Variants in STK31 observed in about 807,000 individuals in gnomAD.
STK31 encodes the protein serine/threonine kinase 31.
Under a neutral mutation model 129.7 loss-of-function variants are expected in STK31, and 89 were observed. That is an observed-to-expected ratio of 0.69 (90% CI 0.58 to 0.82). The LOEUF (loss-of-function observed/expected upper bound fraction) is 0.82, where lower values mean the gene tolerates loss of function less well. Among genes scored for constraint, STK31 ranks in the 40% least tolerant of loss-of-function variants. The probability of loss-of-function intolerance (pLI) is 0.00; values close to 1 mark genes in which losing one functional copy is unlikely to be tolerated. For missense variants in STK31, 1,187 were observed against 1,176.4 expected (o/e 1.01, Z -0.13); for synonymous variants, 448 against 395.3 (o/e 1.13, Z -1.58).
chr7:23,787,903 CT>C (rs1791394293), intron 20 of STK31, 76 bp from the exon 21 acceptor site: 1 of 1,391,700 alleles, frequency 7.2e-7, no homozygotes, highest in Admixed American at 2.5e-5. Flanking sequence ...CTAGAGCAGT[CT>C]TTTAATTAGA....
At chr7:23,791,178 A>T (rs1354355387) in intron 22 of STK31, 6 of 846,774 alleles carry the variant, frequency 7.1e-6, no homozygotes, top group Non-Finnish European at 8.5e-6. Flanking sequence ...TGAAGTCAAG[A>T]TTAACAGTGA....
chr7:23,798,560 C>G (rs993519639), intron 22 of STK31, among the ~76,000 whole-genome samples: 1 of 151,838 alleles, frequency 6.6e-6, no homozygotes, highest in Non-Finnish European at 1.5e-5. Flanking sequence ...ACCCTTCATG[C>G]TAAAAACTCT....
chr7:23,826,550 C>A (rs1794164806), intron 23 of STK31, among the ~76,000 whole-genome samples: 1 of 152,140 alleles, frequency 6.6e-6, no homozygotes, highest in African/African-American at 2.4e-5. Context: ...GACTCTTTAT[C>A]CAGTTTGCCA....
chr7:23,773,038 T>G (rs763629678), intron 15 of STK31, among the ~76,000 whole-genome samples: 5 of 152,128 alleles, frequency 3.3e-5, no homozygotes, highest in African/African-American at 9.7e-5. Context: ...TTTTTCAACT[T>G]TTGGAGAAAT....
At chr7:23,786,771 C>A in intron 19 of STK31, 67 bp from the exon 20 acceptor site, 2 of 1,555,942 alleles carry the variant, frequency 1.3e-6, no homozygotes, top group Non-Finnish European at 1.8e-6. Context: ...CCCATAGAAT[C>A]AATGTATGCT....
intron 3 of STK31, among the ~76,000 whole-genome samples, chr7:23,714,887 T>C (rs958847870): frequency 3.3e-5 from 5 of 152,162 alleles, no homozygotes; most frequent in Non-Finnish European, 7.3e-5. Context: ...AAAGCAGCCA[T>C]AGACATAATG....
chr7:23,828,749 G>A (rs1336160147), intron 23 of STK31, among the ~76,000 whole-genome samples: 1 of 152,004 alleles, frequency 6.6e-6, no homozygotes, highest in East Asian at 1.9e-4. Flanking sequence ...CCCCTGACTT[G>A]TTCTTTTTCA....
chr7:23,745,595 G>A (rs1177382120), intron 8 of STK31, among the ~76,000 whole-genome samples: 1 of 152,214 alleles, frequency 6.6e-6, no homozygotes, highest in African/African-American at 2.4e-5. Flanking sequence ...GGGCAGCGGG[G>A]TCACTGTAAA....
At chr7:23,729,844 A>C (rs751039210) in intron 6 of STK31, among the ~76,000 whole-genome samples, 3 of 152,178 alleles carry the variant, frequency 2.0e-5, no homozygotes, top group Non-Finnish European at 4.4e-5. Flanking sequence ...GAAAATAATG[A>C]ATACAGTTAT....
In STK31 at chr7:23,832,451, T is replaced by A; in HGVS notation, c.*85T>A. Reference sequence around the variant, plus strand: ...GAAATATCTAGAAATGTTCTGGGACTAGTTGAGTTGTATCTTTAGTATTCA... The same window carrying A: ...GAAATATCTAGAAATGTTCTGGGACAAGTTGAGTTGTATCTTTAGTATTCA... On this transcript the variant is annotated 3_prime_UTR_variant, in exon 24 of 24. Transcript: ENST00000355870. 1 of 965,214 alleles carries A rather than the reference T, an allele frequency of 1.0e-6. No homozygotes were observed. The highest frequency in any genetic ancestry group is 1.6e-6 in the Non-Finnish European group (1 of 636,098). The allele number at this position is 965,214 out of a possible 1,614,324, so 59.8% of individuals were successfully genotyped here. A position where few individuals can be genotyped will look rare whatever the true frequency, so the allele number is the denominator to read the frequency against.
chr7:23,726,543 A>T (rs1787093564), intron 4 of STK31: 1 of 149,602 alleles, frequency 6.7e-6, no homozygotes, highest in African/African-American at 2.5e-5. Context: ...TTGAGCTTGG[A>T]GAGGTTGAGT....
intron 23 of STK31, among the ~76,000 whole-genome samples, chr7:23,816,401 TAAACTTA>T (rs1340394731): frequency 1.3e-5 from 2 of 152,242 alleles, no homozygotes; most frequent in African/African-American, 2.4e-5. Context: ...AAATTTAGTT[TAAACTTA>T]AAACTTATAT....
chr7:23,814,240 C>A (rs1479673640), intron 22 of STK31, among the ~76,000 whole-genome samples: 1 of 138,910 alleles, frequency 7.2e-6, no homozygotes, highest in African/African-American at 2.8e-5. Flanking sequence ...GTTTTTCTTC[C>A]TTTTTTAAAC....
chr7:23,760,250 A>G (rs989986907), intron 10 of STK31, among the ~76,000 whole-genome samples: 2 of 152,068 alleles, frequency 1.3e-5, no homozygotes, highest in African/African-American at 4.8e-5. Context: ...GACTTGTTCC[A>G]TCTTAAATAT....
intron 4 of STK31, among the ~76,000 whole-genome samples, chr7:23,720,764 A>AT (rs1020426829): frequency 3.9e-5 from 6 of 152,162 alleles, no homozygotes; most frequent in African/African-American, 2.4e-5. Context: ...AATTTGTGGG[A>AT]TTTTTTAAAG....
chr7:23,730,872 ATATATAT>A (rs1404475221), intron 6 of STK31, among the ~76,000 whole-genome samples: 3 of 56,128 alleles, frequency 5.3e-5, no homozygotes, highest in Non-Finnish European at 1.1e-4. Flanking sequence ...ATATATATAT[ATATATAT>A]TTTTTTTTTT....
chr7:23,717,097 C>CTTTTTTTTTT (rs70956911), intron 3 of STK31, among the ~76,000 whole-genome samples: 666 of 42,884 alleles, frequency 0.016, 38 homozygotes, highest in Admixed American at 0.021. Flanking sequence ...TCGCAACCTG[C>CTTTTTTTTTT]TTTTTTTTTT....
chr7:23,728,072 CTTT>C (rs56355518), intron 5 of STK31, among the ~76,000 whole-genome samples: 224 of 68,178 alleles, frequency 3.3e-3, no homozygotes, highest in African/African-American at 0.013. Flanking sequence ...TTGTGTTAAG[CTTT>C]TTTTTTTTTT....
intron 3 of STK31, among the ~76,000 whole-genome samples, chr7:23,715,194 A>G (rs1180062941): frequency 2.5e-5 from 3 of 118,764 alleles, no homozygotes; most frequent in African/African-American, 9.9e-5. Context: ...AAATCTGCTC[A>G]CGTGTATTCT....
Sources: allele counts gnomAD v4.1 joint callset (sites outside exome capture counted in the v4.1 genomes callset), GRCh38; gene constraint gnomAD v4.1.1; transcripts MANE v1.5; gene names NCBI Gene and HGNC (gene_info 2026-07-23, HGNC 2026-07-21).